The following SBSPON variants were observed in gnomAD, a reference collection of about 807,000 sequenced individuals.
The protein encoded by SBSPON is somatomedin-B and thrombospondin type-1 domain-containing protein.
A neutral mutation model predicts 35.8 loss-of-function variants in SBSPON; 30 were observed. That is an observed-to-expected ratio of 0.84 (90% CI 0.63 to 1.14). SBSPON has a LOEUF of 1.14. Ranked by LOEUF, SBSPON falls within the 50% of genes most tolerant of loss-of-function variation. SBSPON has a pLI of 0.00. For missense variants in SBSPON, 364 were observed against 357.7 expected (o/e 1.02, Z -0.14); for synonymous variants, 136 against 135.9 (o/e 1.00, Z 0.00).
chr8:73,080,869 T>C, intron 2 of SBSPON, 150 bp downstream of exon 2: 2 of 558,608 alleles, frequency 3.6e-6, no homozygotes, highest in Non-Finnish European at 6.2e-6. Flanking sequence ...AAGCATTTCC[T>C]GAGCTTCCTA....
intron 4 of SBSPON, among the ~76,000 whole-genome samples, chr8:73,069,521 C>T (rs1054851240): frequency 6.6e-6 from 1 of 152,116 alleles, no homozygotes; most frequent in South Asian, 2.1e-4. Flanking sequence ...CTACCCACCT[C>T]GGCCTCCCAA....
intron 1 of SBSPON, among the ~76,000 whole-genome samples, chr8:73,084,191 A>G (rs1810773342): frequency 6.6e-6 from 1 of 152,214 alleles, no homozygotes; most frequent in Non-Finnish European, 1.5e-5. Flanking sequence ...GTCCTTGCCC[A>G]TTTACCAACT....
At chr8:73,069,592 A>G (rs1810453636) in intron 4 of SBSPON, among the ~76,000 whole-genome samples, 1 of 152,154 alleles carries the variant, frequency 6.6e-6, no homozygotes, top group East Asian at 1.9e-4. Context: ...ATGGACCCAT[A>G]TTAACTGCTG....
chr8:73,092,182 G>T (rs540241540), intron 1 of SBSPON, among the ~76,000 whole-genome samples: 1 of 152,316 alleles, frequency 6.6e-6, no homozygotes, highest in East Asian at 1.9e-4. Flanking sequence ...AAACCAGCAA[G>T]ATTACAACAT....
intron 4 of SBSPON, among the ~76,000 whole-genome samples, chr8:73,069,522 G>A (rs573934084): frequency 1.3e-5 from 2 of 152,076 alleles, no homozygotes; most frequent in East Asian, 1.9e-4. Flanking sequence ...TACCCACCTC[G>A]GCCTCCCAAA....
At chr8:73,080,742 C>T (rs973555092) in intron 2 of SBSPON, among the ~76,000 whole-genome samples, 1 of 152,102 alleles carries the variant, frequency 6.6e-6, no homozygotes, top group Admixed American at 6.5e-5. Flanking sequence ...CACAAGCATG[C>T]GGTTTATTTC....
At chr8:73,092,633 G>T (rs922363516) in intron 1 of SBSPON, among the ~76,000 whole-genome samples, 1 of 152,146 alleles carries the variant, frequency 6.6e-6, no homozygotes, top group Non-Finnish European at 1.5e-5. Flanking sequence ...GCTCTGGTCT[G>T]TCTTGGGGGT....
chr8:73,075,187 A>G (rs932878112), intron 2 of SBSPON, among the ~76,000 whole-genome samples: 1 of 152,036 alleles, frequency 6.6e-6, no homozygotes, highest in Non-Finnish European at 1.5e-5. Context: ...TCTGTTTTTC[A>G]GGACTTTCTA....
intron 2 of SBSPON, chr8:73,074,490 A>G: frequency 6.0e-6 from 3 of 502,618 alleles, no homozygotes; most frequent in Non-Finnish European, 7.7e-6. Flanking sequence ...TATGGCACAG[A>G]GAGGTTAAGA....
At chr8:73,075,712 G>C (rs1261717302) in intron 2 of SBSPON, 1 of 616,548 alleles carries the variant, frequency 1.6e-6, no homozygotes, top group Admixed American at 6.3e-5. Context: ...GACACAATGG[G>C]GTGTCACAAA....
chr8:73,074,175 T>G (rs539880464), intron 2 of SBSPON, among the ~76,000 whole-genome samples: 26 of 152,322 alleles, frequency 1.7e-4, no homozygotes, highest in East Asian at 3.9e-4. Flanking sequence ...TGTAATTTTT[T>G]GGGGATTCTT....
intron 1 of SBSPON, among the ~76,000 whole-genome samples, chr8:73,092,639 G>C (rs920648421): frequency 6.6e-6 from 1 of 152,186 alleles, no homozygotes; most frequent in Non-Finnish European, 1.5e-5. Flanking sequence ...GTCTGTCTTG[G>C]GGGTGGGGGG....
At chr8:73,079,416 A>G (rs528229494) in intron 2 of SBSPON, among the ~76,000 whole-genome samples, 8 of 152,102 alleles carry the variant, frequency 5.3e-5, no homozygotes, top group Non-Finnish European at 8.8e-5. Context: ...GTCCAAGCAC[A>G]GCCCAGTAAA....
In SBSPON at chr8:73,089,849, G is replaced by A. The variant is rs73316120; in HGVS notation, c.214+3005C>T. Reference sequence around the variant, plus strand: ...ATAGCCTCCTTCTGTCAACTCCACAGTCCCACACAGTGGTTTCATCTCCCC... The same window carrying A: ...ATAGCCTCCTTCTGTCAACTCCACAATCCCACACAGTGGTTTCATCTCCCC... On this transcript the variant is annotated intron_variant, in intron 1 of 4. Coordinates refer to ENST00000297354, the MANE Select transcript of SBSPON (RefSeq NM_153225.4). 2.4e-3 allele frequency among the ~76,000 whole-genome samples: 368 copies of A among 152,240 alleles called. 4 individuals carry two copies. Among genetic ancestry groups the A allele is most frequent in the African/African-American group, 8.5e-3 (355 of 41,528 alleles).
chr8:73,092,554 T>A (rs1810955653), intron 1 of SBSPON, among the ~76,000 whole-genome samples: 1 of 152,002 alleles, frequency 6.6e-6, no homozygotes, highest in South Asian at 2.1e-4. Flanking sequence ...AGTTTCTGAG[T>A]CGGAGATTTC....
intron 2 of SBSPON, among the ~76,000 whole-genome samples, chr8:73,080,219 AAAT>A (rs1368831870): frequency 6.6e-6 from 1 of 152,220 alleles, no homozygotes; most frequent in Non-Finnish European, 1.5e-5. Context: ...AATCATTAAA[AAAT>A]AATAATAAAA....
chr8:73,083,155 A>C (rs902274204), intron 1 of SBSPON, among the ~76,000 whole-genome samples: 1 of 152,154 alleles, frequency 6.6e-6, no homozygotes, highest in Non-Finnish European at 1.5e-5. Flanking sequence ...TCACAGTTGA[A>C]GTCCTCAAAA....
Position 73,090,910 on chromosome 8 carries a change from C to T in SBSPON, c.214+1944G>A, listed in dbSNP as rs577760326. Reference sequence around the variant, plus strand: ...CTCCAAAACCATAGGCTCTTTGTCTCACTATTCTACCGCCTAGACTGAAAA... The same window carrying T: ...CTCCAAAACCATAGGCTCTTTGTCTTACTATTCTACCGCCTAGACTGAAAA... On this transcript the variant is annotated intron_variant, in intron 1 of 4. Coordinates refer to ENST00000297354, the MANE Select transcript of SBSPON (RefSeq NM_153225.4). Among the ~76,000 whole-genome samples, 62 of 152,352 alleles carry T rather than the reference C, an allele frequency of 4.1e-4. 1 individual carries two copies. The highest frequency in any genetic ancestry group is 1.4e-3 in the African/African-American group (60 of 41,576).
At position 73,067,185 on chromosome 8, in the gene SBSPON, T is replaced by C; in HGVS notation, c.*156A>G. On this transcript the variant is annotated 3_prime_UTR_variant, in exon 5 of 5. Coordinates refer to ENST00000297354, the MANE Select transcript of SBSPON (RefSeq NM_153225.4). The stretch of plus-strand genomic sequence containing the variant: ...ATAAAAATAAAGGACCTGTGTTCCT[T>C]GAGAACTGGCCCCTAAATTTTCTTT... The C allele has an allele frequency of 1.9e-6, 1 of 536,104 alleles. No individual in the cohort carries two copies. Among genetic ancestry groups the C allele is most frequent in the Non-Finnish European group, 3.4e-6 (1 of 297,880 alleles). The allele number at this position is 536,104 out of a possible 1,614,324, so 33.2% of individuals were successfully genotyped here.
Sources: gnomAD v4.1 joint callset for allele counts (sites outside exome capture counted in the v4.1 genomes callset) on GRCh38, gnomAD v4.1.1 for gene constraint, MANE v1.5 for transcripts, NCBI Gene and HGNC (gene_info 2026-07-23, HGNC 2026-07-21) for gene names.